RAB6B: variants seen among roughly 807,000 people sequenced by gnomAD.
The protein encoded by RAB6B is RAB6B, member RAS oncogene family, also known as ras-related protein Rab-6B.
RAB6B carries 7 observed loss-of-function variants against 31.2 expected under a neutral mutation model. That is an observed-to-expected ratio of 0.22 (90% CI 0.13 to 0.42). The LOEUF is 0.42. Among genes scored for constraint, RAB6B ranks in the 10% least tolerant of loss-of-function variants. The probability of loss-of-function intolerance (pLI) is 1.00; values close to 1 mark genes in which losing one functional copy is unlikely to be tolerated. For missense variants in RAB6B, 149 were observed against 280.6 expected (o/e 0.53, Z 3.35); for synonymous variants, 105 against 104.9 (o/e 1.00, Z -0.01).
chr3:133,868,637 TC>T (rs1299755358), intron 1 of RAB6B, among the ~76,000 whole-genome samples: 1 of 152,246 alleles, frequency 6.6e-6, no homozygotes, highest in Non-Finnish European at 1.5e-5. Context: ...TTTTATTTTC[TC>T]TCTGCTCATG....
chr3:133,878,259 G>T (rs12492380), intron 1 of RAB6B, among the ~76,000 whole-genome samples: 19,419 of 152,038 alleles, frequency 0.13, 1,507 homozygotes, highest in Non-Finnish European at 0.16. Flanking sequence ...TGCATAGTCA[G>T]TGACAAAAAA....
At chr3:133,832,542 T>G (rs530110657) in intron 7 of RAB6B, among the ~76,000 whole-genome samples, 8 of 152,318 alleles carry the variant, frequency 5.3e-5, no homozygotes, top group African/African-American at 1.2e-4. Flanking sequence ...ATTATGAACA[T>G]GACCCCAAAG....
chr3:133,833,938 G>T (rs557455639), intron 7 of RAB6B, among the ~76,000 whole-genome samples: 19 of 152,344 alleles, frequency 1.2e-4, no homozygotes, highest in African/African-American at 4.1e-4. Context: ...GCTGGATATG[G>T]AGGAAGCAAG....
At chr3:133,853,868 T>G (rs999469018) in intron 2 of RAB6B, among the ~76,000 whole-genome samples, 1 of 152,234 alleles carries the variant, frequency 6.6e-6, no homozygotes, top group Non-Finnish European at 1.5e-5. Flanking sequence ...TTGTTATTAG[T>G]GACCGACTGA....
chr3:133,852,129 G>A (rs1170987320), intron 2 of RAB6B, among the ~76,000 whole-genome samples: 2 of 152,212 alleles, frequency 1.3e-5, no homozygotes, highest in Non-Finnish European at 2.9e-5. Context: ...AAGCATCAAA[G>A]CCAATGGTGC....
rs764066504 is a variant in RAB6B at position 133,864,646 on chromosome 3, C to T, written c.71-4G>A. The T allele has an allele frequency of 6.2e-7, 1 of 1,613,730 alleles. No individual in the cohort carries two copies. The highest frequency in any genetic ancestry group is 2.2e-5 in the East Asian group (1 of 44,882). ...GTAATCAGAGACGTCTTCCCGACTG[C>T]AAAACAACAAGGAGAGAGGTGTTCA... On this transcript the variant is annotated splice_region_variant and splice_polypyrimidine_tract_variant and intron_variant, in intron 1 of 7. Transcript: ENST00000285208.
chr3:133,865,332 A>G (rs1936222429), intron 1 of RAB6B, among the ~76,000 whole-genome samples: 1 of 152,238 alleles, frequency 6.6e-6, no homozygotes, highest in Non-Finnish European at 1.5e-5. Context: ...CCAACTGAGA[A>G]CAACTGGAAC....
intron 2 of RAB6B, among the ~76,000 whole-genome samples, chr3:133,847,675 C>T (rs546542561): frequency 7.2e-5 from 11 of 152,234 alleles, no homozygotes; most frequent in Non-Finnish European, 1.5e-4. Flanking sequence ...ACCCATTTCT[C>T]AACTAGGTCA....
At chr3:133,869,262 G>A (rs1211093494) in intron 1 of RAB6B, among the ~76,000 whole-genome samples, 1 of 152,262 alleles carries the variant, frequency 6.6e-6, no homozygotes, top group East Asian at 1.9e-4. Flanking sequence ...GTTCATCTCA[G>A]GGCAAGTGAA....
intron 1 of RAB6B, among the ~76,000 whole-genome samples, chr3:133,871,615 C>T (rs535101684): frequency 3.0e-4 from 45 of 152,244 alleles, no homozygotes; most frequent in Non-Finnish European, 5.6e-4. Flanking sequence ...CCTCCACTGA[C>T]ACTGCCTCCC....
intron 7 of RAB6B, among the ~76,000 whole-genome samples, chr3:133,829,299 C>T (rs1042033490): frequency 3.3e-5 from 5 of 152,190 alleles, no homozygotes; most frequent in African/African-American, 1.2e-4. Flanking sequence ...AGGAGCAAAC[C>T]CTTCAAGCTT....
chr3:133,871,270 G>A (rs1559910176), intron 1 of RAB6B, among the ~76,000 whole-genome samples: 2 of 152,194 alleles, frequency 1.3e-5, no homozygotes, highest in Non-Finnish European at 1.5e-5. Context: ...CAGGCAATAC[G>A]GGAAGGGTCT....
Position 133,895,655 on chromosome 3 carries a change from AGGAGGAGGAGAGAGAGGCGGAGGC to A in RAB6B, c.-213_-190del. ...GCGGCTGCGTGTCCGGCGGCGGAGG[AGGAGGAGGAGAGAGAGGCGGAGGC>A]GGAGGAAGGCTGGGGCTGGGCTGCT... On this transcript the variant is annotated 5_prime_UTR_variant, in exon 1 of 8. Transcript: ENST00000285208. The A allele has an allele frequency of 1.6e-6, 1 of 609,308 alleles. No homozygotes were observed. Among genetic ancestry groups the A allele is most frequent in the Non-Finnish European group, 2.9e-6 (1 of 348,220 alleles). The allele number at this position is 609,308 out of a possible 1,614,324, so 37.7% of individuals were successfully genotyped here. A position where few individuals can be genotyped will look rare whatever the true frequency, so the allele number is the denominator to read the frequency against.
chr3:133,869,539 T>C (rs1936286994), intron 1 of RAB6B, among the ~76,000 whole-genome samples: 1 of 152,238 alleles, frequency 6.6e-6, no homozygotes, highest in Non-Finnish European at 1.5e-5. Flanking sequence ...TGGCAGTTCA[T>C]AATTTCCATA....
chr3:133,859,826 A>G (rs1157795556), intron 2 of RAB6B, among the ~76,000 whole-genome samples: 1 of 152,238 alleles, frequency 6.6e-6, no homozygotes, highest in Admixed American at 6.5e-5. Context: ...CTGAGCAGCC[A>G]GATAAGTGGC....
chr3:133,885,757 TC>T, intron 1 of RAB6B: 1 of 607,574 alleles, frequency 1.6e-6, no homozygotes, highest in South Asian at 2.0e-5. Flanking sequence ...CAATAGTCCC[TC>T]CCCTACAATC....
At chr3:133,870,645 C>A (rs1309675337) in intron 1 of RAB6B, among the ~76,000 whole-genome samples, 1 of 152,178 alleles carries the variant, frequency 6.6e-6, no homozygotes, top group Non-Finnish European at 1.5e-5. Context: ...GGAACAGACA[C>A]CAAGCAATCA....
At chr3:133,851,496 G>A (rs1379677996) in intron 2 of RAB6B, among the ~76,000 whole-genome samples, 1 of 152,214 alleles carries the variant, frequency 6.6e-6, no homozygotes, top group Non-Finnish European at 1.5e-5. Context: ...ATAAAGGCAA[G>A]GGAGACAAAA....
At chr3:133,885,413 A>T (rs149911661) in intron 1 of RAB6B, 1 of 688,824 alleles carries the variant, frequency 1.5e-6, no homozygotes, top group East Asian at 2.7e-5. Flanking sequence ...CTCACACACT[A>T]ATGATCAGAG....
Sources: allele counts gnomAD v4.1 joint callset (sites outside exome capture counted in the v4.1 genomes callset), GRCh38; gene constraint gnomAD v4.1.1; transcripts MANE v1.5; gene names NCBI Gene and HGNC (gene_info 2026-07-23, HGNC 2026-07-21).